PCYT1B: variants seen among roughly 807,000 people sequenced by gnomAD.
The protein encoded by PCYT1B is choline-phosphate cytidylyltransferase B.
PCYT1B carries 10 observed loss-of-function variants against 26.4 expected under a neutral mutation model. That is an observed-to-expected ratio of 0.38 (90% confidence interval 0.23 to 0.64). PCYT1B has a LOEUF of 0.64. Among genes scored for constraint, PCYT1B ranks in the 30% least tolerant of loss-of-function variants. PCYT1B has a pLI of 0.56. For synonymous variants in PCYT1B, 131 were observed against 108.4 expected (o/e 1.21, Z -1.29); for missense variants, 161 against 292.7 (o/e 0.55, Z 3.28).
chrX:24,635,775 G>A (rs192711832), intron 1 of PCYT1B, among the ~76,000 whole-genome samples: 167 of 112,042 alleles, frequency 1.5e-3, no homozygotes, highest in Non-Finnish European at 2.7e-3. Flanking sequence ...AATTTAACCA[G>A]ATTTCCTGTA....
In PCYT1B at chrX:24,558,261, AC is replaced by A. The variant is rs1432675909; in HGVS notation, c.*4031del. The stretch of plus-strand genomic sequence containing the variant: ...TGCTTGGGCATAAGGTCGTGCTTTA[AC>A]CCAGACAGGTCTTGTCTTATATGTA... On this transcript the variant is annotated 3_prime_UTR_variant, in exon 8 of 8. Transcript: ENST00000379144. 1 of 112,044 alleles carries A rather than the reference AC, an allele frequency of 8.9e-6. No individual in the cohort carries two copies. The highest frequency in any genetic ancestry group is 3.3e-5 in the African/African-American group (1 of 30,707). The allele number at this position is 112,044 out of a possible 1,213,427, so 9.2% of individuals were successfully genotyped here.
chrX:24,612,240 G>T lies in PCYT1B; in HGVS notation c.218-4379C>A, dbSNP rs185506434. ...AACAACCTGAGTGAGCTTGGAAGCA[G>T]ATCTAACAACAGTTAACCTCCAGAT... On this transcript the variant is annotated intron_variant, in intron 2 of 7. Transcript: ENST00000379144. Among the ~76,000 whole-genome samples the T allele has an allele frequency of 5.3e-5, 6 of 112,617 alleles. No individual in the cohort carries two copies. The Admixed American group carries it at 5.6e-4, about 11-fold the overall frequency.
At chrX:24,618,180 T>C in intron 2 of PCYT1B, among the ~76,000 whole-genome samples, 1 of 112,155 alleles carries the variant, frequency 8.9e-6, no homozygotes, top group Non-Finnish European at 1.9e-5. Context: ...AAGGGATGAA[T>C]GAATGAACAA....
intron 3 of PCYT1B, among the ~76,000 whole-genome samples, chrX:24,606,705 A>C (rs1925147238): frequency 9.6e-6 from 1 of 103,906 alleles, no homozygotes; most frequent in Admixed American, 9.8e-5. Flanking sequence ...CTCTACTAAA[A>C]ATACAAAAAA....
At chrX:24,669,885 A>G (rs1195673031) in intron 1 of PCYT1B, among the ~76,000 whole-genome samples, 2 of 108,281 alleles carry the variant, frequency 1.8e-5, no homozygotes, top group Non-Finnish European at 3.8e-5. Flanking sequence ...TCTACAAAAT[A>G]TTTAAAAATT....
intron 7 of PCYT1B, among the ~76,000 whole-genome samples, chrX:24,562,730 CTTTTT>C (rs61009568): frequency 2.2e-5 from 2 of 90,087 alleles, no homozygotes; most frequent in African/African-American, 3.9e-5. Flanking sequence ...CTTTTTTTCT[CTTTTT>C]TTTTTTTTTT....
Position 24,560,507 on chromosome X carries a change from C to A in PCYT1B, c.*1786G>T, listed in dbSNP as rs1923369458. ...TCTTCACATGCCATGTTCCTGCCAG[C>A]CCTCTGTCCCATATGAGTGCTTCCC... On this transcript the variant is annotated 3_prime_UTR_variant, in exon 8 of 8. Transcript: ENST00000379144. 1 of 112,275 alleles carries A rather than the reference C, an allele frequency of 8.9e-6. No homozygotes were observed. Among genetic ancestry groups the A allele is most frequent in the South Asian group, 3.8e-4 (1 of 2,621 alleles). The allele number at this position is 112,275 out of a possible 1,213,427, so 9.3% of individuals were successfully genotyped here.
intron 1 of PCYT1B, among the ~76,000 whole-genome samples, chrX:24,662,439 G>C (rs977264546): frequency 2.7e-5 from 3 of 111,189 alleles, no homozygotes; most frequent in Non-Finnish European, 5.7e-5. Context: ...CAATGCACAG[G>C]ACAATCGTCC....
At chrX:24,571,612 A>G (rs1923830730) in intron 7 of PCYT1B, among the ~76,000 whole-genome samples, 1 of 110,096 alleles carries the variant, frequency 9.1e-6, no homozygotes, top group Non-Finnish European at 1.9e-5. Flanking sequence ...ACTTGGGGAG[A>G]CTTAAAAGAC....
rs1027137206 is a variant in PCYT1B, at chrX:24,574,814, TG to T, written c.897+315del. On this transcript the variant is annotated intron_variant, in intron 7 of 7. Coordinates refer to ENST00000379144, the MANE Select transcript of PCYT1B (RefSeq NM_004845.5). ...CTCCCAAAGTTTCATCATCCCCAAC[TG>T]GGAGACTGAGATGAGCGACAGCATC... 3.6e-5 allele frequency among the ~76,000 whole-genome samples: 4 copies of T among 112,150 alleles called. No homozygotes were observed. The Admixed American group carries it at 3.8e-4, about 11-fold the overall frequency.
Position 24,639,822 on chromosome X carries a change from T to A in PCYT1B, c.117+7167A>T, listed in dbSNP as rs768613384. 3.5e-4 allele frequency among the ~76,000 whole-genome samples: 39 copies of A among 110,816 alleles called. No homozygotes were observed. In the South Asian group the frequency reaches 0.011, roughly 32 times the overall value. ...TGTCTTTTTTTCTCCCTGAAGCCAA[T>A]CCTTCCACTTGTGCACTGGAGCCCA... On this transcript the variant is annotated intron_variant, in intron 1 of 7. Coordinates refer to ENST00000379144, the MANE Select transcript of PCYT1B (RefSeq NM_004845.5).
At chrX:24,598,359 C>T (rs1924850634) in intron 3 of PCYT1B, among the ~76,000 whole-genome samples, 1 of 110,714 alleles carries the variant, frequency 9.0e-6, no homozygotes, top group Admixed American at 9.7e-5. Flanking sequence ...ATAATATATG[C>T]CCCCTTTCTA....
chrX:24,563,523 G>C (rs189312200), intron 7 of PCYT1B, among the ~76,000 whole-genome samples: 4 of 111,817 alleles, frequency 3.6e-5, no homozygotes, highest in African/African-American at 1.3e-4. Context: ...GTTGGGAAGA[G>C]GTTGCCAGAG....
chrX:24,671,161 G>C (rs1457025666), intron 1 of PCYT1B, among the ~76,000 whole-genome samples: 1 of 110,398 alleles, frequency 9.1e-6, no homozygotes, highest in Admixed American at 9.7e-5. Context: ...GTCGCGAGGG[G>C]GTTTCACCAT....
At chrX:24,585,771 T>C (rs758743944) in intron 5 of PCYT1B, among the ~76,000 whole-genome samples, 3 of 111,372 alleles carry the variant, frequency 2.7e-5, no homozygotes, top group Non-Finnish European at 5.6e-5. Flanking sequence ...TGATTTCACA[T>C]GTCAAGTGTA....
chrX:24,609,464 T>C (rs185443090), intron 2 of PCYT1B, among the ~76,000 whole-genome samples: 63 of 112,400 alleles, frequency 5.6e-4, no homozygotes, highest in Admixed American at 1.1e-3. Context: ...CTAATAATGT[T>C]CTTTAAAAGG....
chrX:24,593,431 TC>T (rs1310763078), intron 3 of PCYT1B, among the ~76,000 whole-genome samples: 6 of 88,299 alleles, frequency 6.8e-5, no homozygotes, highest in South Asian at 4.8e-4. Flanking sequence ...TTTCTTTCTT[TC>T]CTTTCTTTCT....
chrX:24,650,901 G>C (rs115587724), upstream of PCYT1B, among the ~76,000 whole-genome samples: 1,002 of 111,819 alleles, frequency 9.0e-3, 14 homozygotes, highest in African/African-American at 0.031. Context: ...ATAAAAATAA[G>C]TCCATATAAT....
Position 24,647,275 on chromosome X carries a change from CT to C in PCYT1B, c.-171del, listed in dbSNP as rs1926661929. On this transcript the variant is annotated 5_prime_UTR_variant, in exon 1 of 8. Coordinates refer to ENST00000379144, the MANE Select transcript of PCYT1B (RefSeq NM_004845.5). Reference sequence around the variant, plus strand: ...GAAGTAAAGAGGTTACCCCCCGCCCCTCTCTCTCTCTCTCTCTCCCAGAAGC... The same window carrying C: ...GAAGTAAAGAGGTTACCCCCCGCCCCCTCTCTCTCTCTCTCTCCCAGAAGC... The C allele has an allele frequency of 1.4e-5, 6 of 437,352 alleles. No homozygotes were observed. The highest frequency in any genetic ancestry group is 8.7e-5 in the South Asian group (1 of 11,461). The allele number at this position is 437,352 out of a possible 1,213,427, so 36.0% of individuals were successfully genotyped here. A position where few individuals can be genotyped will look rare whatever the true frequency, so the allele number is the denominator to read the frequency against.
Sources: allele counts gnomAD v4.1 joint callset (sites outside exome capture counted in the v4.1 genomes callset), GRCh38; gene constraint gnomAD v4.1.1; transcripts MANE v1.5; gene names NCBI Gene and HGNC (gene_info 2026-07-23, HGNC 2026-07-21).